TLCD4: variants seen among roughly 807,000 people sequenced by gnomAD.
TLCD4 encodes the protein TLC domain containing 4, also known as TLC domain-containing protein 4.
In TLCD4, 7 loss-of-function variants were observed where a neutral mutation model predicts 24.2. The observed-to-expected ratio is 0.29, with a 90% CI of 0.16 to 0.54. The LOEUF is 0.54. TLCD4 is among the 20% of genes least tolerant of loss of function. The pLI is 0.95. For synonymous variants in TLCD4, 103 were observed against 106.4 expected (o/e 0.97, Z 0.20); for missense variants, 259 against 313.9 (o/e 0.82, Z 1.32).
chr1:95,181,065 C>T (rs1174216687), intron 6 of TLCD4, among the ~76,000 whole-genome samples: 1 of 152,098 alleles, frequency 6.6e-6, no homozygotes, highest in Non-Finnish European at 1.5e-5. Flanking sequence ...CTACTGTACT[C>T]CAGCCTGGGT....
intron 6 of TLCD4, among the ~76,000 whole-genome samples, chr1:95,175,739 G>A (rs561951843): frequency 5.5e-4 from 83 of 151,966 alleles, no homozygotes; most frequent in African/African-American, 1.8e-3. Flanking sequence ...ATGGGTGGAG[G>A]TGGTATGTCA....
chr1:95,105,896 A>C, the TLCD4 span, among the ~76,000 whole-genome samples: 9 of 146,380 alleles, frequency 6.1e-5, no homozygotes, highest in Non-Finnish European at 1.4e-4. Flanking sequence ...CTCCGTCTTA[A>C]AAAAAAAAAA....
At chr1:95,179,905 T>C (rs183529584) in intron 6 of TLCD4, among the ~76,000 whole-genome samples, 55 of 152,370 alleles carry the variant, frequency 3.6e-4, no homozygotes, top group African/African-American at 1.3e-3. Context: ...AAAACCCATC[T>C]CTTTCCAGGC....
At chr1:95,116,980 T>G (rs1052029470), upstream of TLCD4, among the ~76,000 whole-genome samples, 17 of 152,330 alleles carry the variant, frequency 1.1e-4, no homozygotes, top group African/African-American at 3.8e-4. Flanking sequence ...TCTTTTCTGA[T>G]GATCTAACCA....
intron 1 of TLCD4, among the ~76,000 whole-genome samples, chr1:95,131,841 A>G (rs1167779456): frequency 6.6e-6 from 1 of 152,142 alleles, no homozygotes; most frequent in Admixed American, 6.5e-5. Flanking sequence ...TTGATTCGCA[A>G]TGTATTGATG....
intron 5 of TLCD4, among the ~76,000 whole-genome samples, chr1:95,161,949 A>C (rs1392339466): frequency 6.6e-6 from 1 of 152,116 alleles, no homozygotes; most frequent in Non-Finnish European, 1.5e-5. Flanking sequence ...GAATAGTGCG[A>C]TGTGGTGCTG....
chr1:95,141,264 T>G (rs1473412717), intron 1 of TLCD4, among the ~76,000 whole-genome samples: 1 of 152,018 alleles, frequency 6.6e-6, no homozygotes, highest in Non-Finnish European at 1.5e-5. Flanking sequence ...GGTGAATTGT[T>G]TGAGTGCTTT....
rs1053370114 is a variant in TLCD4, at chr1:95,195,797, G to A, written c.*3929G>A. On this transcript the variant is annotated 3_prime_UTR_variant, in exon 7 of 7. Coordinates refer to ENST00000370203, the MANE Select transcript of TLCD4 (RefSeq NM_152487.3). ...TCTGGAGTTAGAGGAGGCATTGAGA[G>A]TGCTTTTCCCTTAAACGCCGTGATA... 2 of 152,170 alleles carry A rather than the reference G, an allele frequency of 1.3e-5. No individual in the cohort carries two copies. The highest frequency in any genetic ancestry group is 2.9e-5 in the Non-Finnish European group (2 of 68,018). The allele number at this position is 152,170 out of a possible 1,614,324, so 9.4% of individuals were successfully genotyped here. A position where few individuals can be genotyped will look rare whatever the true frequency, so the allele number is the denominator to read the frequency against.
intron 2 of TLCD4, among the ~76,000 whole-genome samples, chr1:95,144,573 T>C (rs1677296645): frequency 6.6e-6 from 1 of 151,632 alleles, no homozygotes; most frequent in African/African-American, 2.4e-5. Flanking sequence ...TTATATAATT[T>C]TAAAGTAAAA....
In TLCD4 at chr1:95,192,006, A is replaced by G. The variant is rs746448421; in HGVS notation, c.*138A>G. Reference sequence around the variant, plus strand: ...CAGTGTCATTTTTTTTAAACCTTAGAAAAGAGAAGGCCGGGCACGGTGGCT... The same window carrying G: ...CAGTGTCATTTTTTTTAAACCTTAGGAAAGAGAAGGCCGGGCACGGTGGCT... On this transcript the variant is annotated 3_prime_UTR_variant, in exon 7 of 7. Coordinates refer to ENST00000370203, the MANE Select transcript of TLCD4 (RefSeq NM_152487.3). 10 of 1,443,368 alleles carry G rather than the reference A, an allele frequency of 6.9e-6. No individual in the cohort carries two copies. The highest frequency in any genetic ancestry group is 9.0e-6 in the Non-Finnish European group (10 of 1,107,106). 89.4% of individuals were successfully genotyped at this position (1,443,368 alleles called of 1,614,324 possible). A position where few individuals can be genotyped will look rare whatever the true frequency, so the allele number is the denominator to read the frequency against.
chr1:95,111,310 A>T, the TLCD4 span, among the ~76,000 whole-genome samples: 1 of 98,222 alleles, frequency 1.0e-5, no homozygotes, highest in East Asian at 2.9e-4. Flanking sequence ...AAACAAAACA[A>T]AACAAAACAA....
the TLCD4 span, among the ~76,000 whole-genome samples, chr1:95,105,361 A>C: frequency 6.6e-6 from 1 of 152,180 alleles, no homozygotes; most frequent in African/African-American, 2.4e-5. Flanking sequence ...GATTGTCTTC[A>C]GGTAATTGAT....
chr1:95,175,812 GGT>G (rs1678403895), intron 6 of TLCD4, among the ~76,000 whole-genome samples: 1 of 150,660 alleles, frequency 6.6e-6, no homozygotes, highest in Non-Finnish European at 1.5e-5. Flanking sequence ...GTCTCACTCT[GGT>G]TCCCAGGCTG....
chr1:95,102,203 T>C, the TLCD4 span, among the ~76,000 whole-genome samples: 5 of 152,098 alleles, frequency 3.3e-5, no homozygotes, highest in Admixed American at 3.3e-4. Flanking sequence ...TTATTGAGGG[T>C]CTATTTTGTG....
intron 1 of TLCD4, among the ~76,000 whole-genome samples, chr1:95,141,706 A>G (rs1227240801): frequency 6.6e-6 from 1 of 152,070 alleles, no homozygotes; most frequent in Non-Finnish European, 1.5e-5. Flanking sequence ...CCCAATAAAC[A>G]TATGTTGAAT....
intron 5 of TLCD4, among the ~76,000 whole-genome samples, chr1:95,159,581 A>G (rs1358122466): frequency 1.3e-5 from 2 of 152,168 alleles, no homozygotes; most frequent in Non-Finnish European, 2.9e-5. Context: ...GTCTTTGCCC[A>G]TGCCTATGTC....
At chr1:95,092,667 ACT>A in the TLCD4 span, among the ~76,000 whole-genome samples, 4 of 151,712 alleles carry the variant, frequency 2.6e-5, no homozygotes, top group African/African-American at 9.7e-5. Flanking sequence ...GAAGGAAGAA[ACT>A]CTGAACACAT....
chr1:95,107,226 A>G, the TLCD4 span, among the ~76,000 whole-genome samples: 4 of 152,178 alleles, frequency 2.6e-5, no homozygotes, highest in African/African-American at 9.7e-5. Flanking sequence ...GATCGAGACC[A>G]TCCTGGCTAA....
intron 6 of TLCD4, among the ~76,000 whole-genome samples, chr1:95,181,202 CA>C (rs10560904): frequency 0.38 from 56,334 of 146,756 alleles, 11,263 homozygotes; most frequent in East Asian, 0.63. Context: ...CAAAACAAAC[CA>C]AAAAAAAAAA....
Sources: gnomAD v4.1 joint callset for allele counts (sites outside exome capture counted in the v4.1 genomes callset) on GRCh38, gnomAD v4.1.1 for gene constraint, MANE v1.5 for transcripts, NCBI Gene and HGNC (gene_info 2026-07-23, HGNC 2026-07-21) for gene names.